Variants in ADAP1 observed in about 807,000 individuals in gnomAD.
ADAP1 encodes arf-GAP with dual PH domain-containing protein 1.
Under a neutral mutation model 54.9 loss-of-function variants are expected in ADAP1, and 31 were observed. The observed-to-expected ratio is 0.56, with a 90% CI of 0.42 to 0.76. The LOEUF (loss-of-function observed/expected upper bound fraction) is 0.76. ADAP1 is among the 30% of genes least tolerant of loss of function. ADAP1 has a pLI of 0.00. For synonymous variants in ADAP1, 313 were observed against 202.6 expected (o/e 1.55, Z -4.63); for missense variants, 535 against 512.4 (o/e 1.04, Z -0.42).
rs1289750287 is a variant in ADAP1, at chr7:945,137, G to A, written c.82+9259C>T. On this transcript the variant is annotated intron_variant, in intron 1 of 10. Coordinates refer to ENST00000265846, the MANE Select transcript of ADAP1 (RefSeq NM_006869.4). This position sits in a 1 kb window ranked among gnomAD's most constrained non-coding sequence, Gnocchi z 4.2. Reference sequence around the variant, plus strand: ...GGAAAAAGCCTGGCTGGTCCCCAAGGCAGAAGGGACGGGCTGACCCTTCTG... The same window carrying A: ...GGAAAAAGCCTGGCTGGTCCCCAAGACAGAAGGGACGGGCTGACCCTTCTG... 6.6e-6 allele frequency among the ~76,000 whole-genome samples: 1 copy of A among 152,212 alleles called. No individual in the cohort carries two copies. The highest frequency in any genetic ancestry group is 1.5e-5 in the Non-Finnish European group (1 of 68,030).
intron 2 of ADAP1, among the ~76,000 whole-genome samples, chr7:933,191 A>G (rs1378527386): frequency 4.0e-5 from 6 of 150,242 alleles, no homozygotes; most frequent in Non-Finnish European, 8.9e-5. Flanking sequence ...GAATTGCTTG[A>G]GCCCGGGAGG....
Position 899,445 on chromosome 7 carries a change from T to C in ADAP1, c.841A>G (p.Arg281Gly). The change falls in exon 9 of 11, where the codon AGG (arginine) becomes GGG (glycine). Residue 281 changes from arginine to glycine, a missense_variant. Coordinates refer to ENST00000265846, the MANE Select transcript of ADAP1 (RefSeq NM_006869.4). ...AGGGGGTCTTTGAAGTACATGAGCC[T>C]GCGGTCATCCATGGTGAACCAGCGC... ...RKRWFTMDDR[R>G]LMYFKDPLDA... The C allele has an allele frequency of 1.2e-6, 2 of 1,613,202 alleles. No individual in the cohort carries two copies. Among genetic ancestry groups the C allele is most frequent in the Non-Finnish European group, 1.7e-6 (2 of 1,179,922 alleles).
intron 4 of ADAP1, among the ~76,000 whole-genome samples, chr7:916,801 C>T (rs1387224099): frequency 2.0e-5 from 3 of 152,094 alleles, no homozygotes; most frequent in Non-Finnish European, 2.9e-5. Flanking sequence ...CCGACAGGAC[C>T]GCTGCATGAG....
intron 3 of ADAP1, among the ~76,000 whole-genome samples, chr7:922,240 GC>G (rs1172035835): frequency 6.6e-6 from 1 of 152,162 alleles, no homozygotes; most frequent in Non-Finnish European, 1.5e-5. Context: ...CCACACCTCA[GC>G]CCACGCCCCA....
At chr7:913,225 G>A (rs1845796102) in intron 4 of ADAP1, among the ~76,000 whole-genome samples, 1 of 122,444 alleles carries the variant, frequency 8.2e-6, no homozygotes. Context: ...TTTTGAGACG[G>A]AGTCTCGCTC....
intron 1 of ADAP1, among the ~76,000 whole-genome samples, chr7:950,473 G>A (rs1248664709): frequency 3.1e-5 from 4 of 130,610 alleles, no homozygotes; most frequent in African/African-American, 1.2e-4. Flanking sequence ...GCGACAGAAT[G>A]AGACTCTGCC....
chr7:945,719 C>T lies in ADAP1; in HGVS notation c.82+8677G>A. Reference sequence around the variant, plus strand: ...CCTCCTCGGAGACTGCCCACAGCCGCCAGCCTCTTTCCCTCCCTCCTCCCA... The same window carrying T: ...CCTCCTCGGAGACTGCCCACAGCCGTCAGCCTCTTTCCCTCCCTCCTCCCA... On this transcript the variant is annotated intron_variant, in intron 1 of 10. Transcript: ENST00000265846. This position sits in a 1 kb window ranked among gnomAD's most constrained non-coding sequence, Gnocchi z 4.2. 1.0e-6 allele frequency: 1 copy of T among 985,050 alleles called. No homozygotes were observed. 61.0% of individuals were successfully genotyped at this position (985,050 alleles called of 1,614,324 possible).
chr7:947,502 G>C (rs557899429), intron 1 of ADAP1, among the ~76,000 whole-genome samples: 2 of 152,098 alleles, frequency 1.3e-5, no homozygotes, highest in East Asian at 3.9e-4. Context: ...CACATCGCAG[G>C]TCCCTCCCGT....
chr7:898,760 G>A lies in ADAP1; in HGVS notation c.*161C>T, dbSNP rs919647989. On this transcript the variant is annotated 3_prime_UTR_variant, in exon 11 of 11. Coordinates refer to ENST00000265846, the MANE Select transcript of ADAP1 (RefSeq NM_006869.4). ...CTGCCTGCCTTGAGGTTCCAGAGAA[G>A]CATCCTGGAAGCTGAAGCTCGGGCC... 2.2e-6 allele frequency: 2 copies of A among 891,704 alleles called. No homozygotes were observed. Among genetic ancestry groups the A allele is most frequent in the African/African-American group, 3.3e-5 (2 of 59,966 alleles). 55.2% of individuals were successfully genotyped at this position (891,704 alleles called of 1,614,324 possible). A position where few individuals can be genotyped will look rare whatever the true frequency, so the allele number is the denominator to read the frequency against.
intron 4 of ADAP1, among the ~76,000 whole-genome samples, chr7:913,493 G>A (rs116761183): frequency 2.6e-5 from 4 of 152,024 alleles, no homozygotes; most frequent in East Asian, 1.9e-4. Flanking sequence ...GAGGCACCGC[G>A]CCCGGTCCTC....
In ADAP1 at chr7:932,605, C is replaced by G. The variant is rs73044435; in HGVS notation, c.213+2770G>C. Among the ~76,000 whole-genome samples, 1,060 of 152,284 alleles carry G rather than the reference C, an allele frequency of 7.0e-3. 16 individuals carry two copies. The highest frequency in any genetic ancestry group is 0.017 in the Middle Eastern group (5 of 294). On this transcript the variant is annotated intron_variant, in intron 2 of 10. Transcript: ENST00000265846. ...GGAGGGGGATGGTCCAGGGGCCACC[C>G]TGCCCATTTTTTAGGGAAGGAAACG...
chr7:927,796 G>A (rs554788536), intron 2 of ADAP1, among the ~76,000 whole-genome samples: 8 of 152,242 alleles, frequency 5.3e-5, no homozygotes, highest in East Asian at 1.9e-4. Context: ...GCCTCGACCC[G>A]AGACACAGGG....
intron 2 of ADAP1, among the ~76,000 whole-genome samples, chr7:931,839 C>T (rs1846591164): frequency 6.6e-6 from 1 of 152,126 alleles, no homozygotes; most frequent in Non-Finnish European, 1.5e-5. Flanking sequence ...GTTCCTGGCC[C>T]TTCAACCTCG....
Position 920,506 on chromosome 7 carries a change from G to A in ADAP1, c.306-456C>T, listed in dbSNP as rs985326644. ...GGCGCCGCCCTCCACCCACCGTGCT[G>A]CCACCTTGCACCCCCCGTGCCGCCC... On this transcript the variant is annotated intron_variant, in intron 3 of 10. Coordinates refer to ENST00000265846, the MANE Select transcript of ADAP1 (RefSeq NM_006869.4). The surrounding 1 kb of genome is among the most constrained non-coding windows in gnomAD (Gnocchi z 4.5). 1.1e-4 allele frequency among the ~76,000 whole-genome samples: 16 copies of A among 148,560 alleles called. No homozygotes were observed. Among genetic ancestry groups the A allele is most frequent in the South Asian group, 2.2e-4 (1 of 4,580 alleles).
chr7:907,389 A>G (rs4722406), intron 4 of ADAP1, among the ~76,000 whole-genome samples: 134,844 of 152,140 alleles, frequency 0.89, 60,072 homozygotes, highest in East Asian at 1. Flanking sequence ...GCCCAGGAGC[A>G]CCAGGGAGAG....
At chr7:903,493 C>T (rs138440291) in intron 6 of ADAP1, among the ~76,000 whole-genome samples, 97 of 152,272 alleles carry the variant, frequency 6.4e-4, no homozygotes, top group Middle Eastern at 3.4e-3. Context: ...CGCTTTAGAC[C>T]GTGTGCACAC....
At chr7:910,509 C>A (rs1422312341) in intron 4 of ADAP1, among the ~76,000 whole-genome samples, 2 of 152,210 alleles carry the variant, frequency 1.3e-5, no homozygotes. Flanking sequence ...CCTCTCCTCC[C>A]ACCATACTGG....
chr7:899,800 G>A (rs1844695792), intron 8 of ADAP1, among the ~76,000 whole-genome samples: 1 of 152,144 alleles, frequency 6.6e-6, no homozygotes, highest in South Asian at 2.1e-4. Context: ...CCCAGGATTT[G>A]TGTCTCCCTC....
In ADAP1 at chr7:919,994, G is replaced by C. The variant is rs139497517; in HGVS notation, c.362C>G (p.Pro121Arg). 16 of 1,607,300 alleles carry C rather than the reference G, an allele frequency of 1.0e-5. No homozygotes were observed. Among genetic ancestry groups the C allele is most frequent in the Admixed American group, 5.0e-5 (3 of 59,880 alleles). ...AKYERQEFIY[P>R]EKQEPYSAGY... The stretch of plus-strand genomic sequence containing the variant: ...TGCCGAGTAGGGCTCCTGCTTCTCC[G>C]GGTAGATGAACTCCTGTCGCTCGTA... Residue 121 changes from proline (P) to arginine (R), a missense_variant, in exon 4 of 11, where the codon CCG becomes CGG. Transcript: ENST00000265846.
Sources: allele counts gnomAD v4.1 joint callset (sites outside exome capture counted in the v4.1 genomes callset), GRCh38; gene constraint gnomAD v4.1.1; non-coding constraint Gnocchi (gnomAD v3.1); transcripts MANE v1.5; gene names NCBI Gene and HGNC (gene_info 2026-07-23, HGNC 2026-07-21).